Variants in TMEM117 observed in about 807,000 individuals in gnomAD.
TMEM117 encodes the protein transmembrane protein 117.
A neutral mutation model predicts 52.4 loss-of-function variants in TMEM117; 27 were observed. The observed-to-expected ratio is 0.51, with a 90% CI of 0.38 to 0.71. The LOEUF is 0.71. Ranked by LOEUF, TMEM117 falls within the 30% of genes least tolerant of loss-of-function variation. The pLI is 0.00. For synonymous variants in TMEM117, 215 were observed against 206.3 expected, an observed-to-expected ratio of 1.04 and a Z score of -0.36; for missense variants, 556 against 630.5, an observed-to-expected ratio of 0.88 and a Z score of 1.26.
chr12:43,985,018 A>G (rs1007445715), intron 3 of TMEM117, among the ~76,000 whole-genome samples: 10 of 151,798 alleles, frequency 6.6e-5, no homozygotes, highest in Middle Eastern at 3.4e-3. Context: ...TTTTTTTTGT[A>G]CTTACCTAAC....
At chr12:44,369,562 A>C (rs71455481) in intron 6 of TMEM117, among the ~76,000 whole-genome samples, 22 of 152,358 alleles carry the variant, frequency 1.4e-4, no homozygotes, top group Non-Finnish European at 2.9e-4. Flanking sequence ...AAGATATTAA[A>C]CAATCCTATA....
chr12:44,179,606 G>A (rs554249306), intron 4 of TMEM117, among the ~76,000 whole-genome samples: 2 of 152,322 alleles, frequency 1.3e-5, no homozygotes, highest in East Asian at 1.9e-4. Flanking sequence ...AGCCTTGCTG[G>A]CAGCCAGTTG....
chr12:44,199,456 T>A (rs1016510743), intron 4 of TMEM117, among the ~76,000 whole-genome samples: 18 of 152,318 alleles, frequency 1.2e-4, no homozygotes, highest in Admixed American at 2.0e-4. Flanking sequence ...TTGTTCCTGA[T>A]GTGAACCAGT....
At chr12:43,899,815 A>G (rs1944274993) in intron 2 of TMEM117, among the ~76,000 whole-genome samples, 1 of 152,206 alleles carries the variant, frequency 6.6e-6, no homozygotes, top group East Asian at 1.9e-4. Flanking sequence ...TATTAGAAAG[A>G]AGATGAGCTT....
chr12:44,168,317 C>T (rs1385932956), intron 4 of TMEM117, among the ~76,000 whole-genome samples: 1 of 151,650 alleles, frequency 6.6e-6, no homozygotes, highest in Admixed American at 6.6e-5. Context: ...GAACCTACTG[C>T]TGTTTCCCTC....
chr12:44,013,503 C>T, intron 3 of TMEM117, among the ~76,000 whole-genome samples: 1 of 152,286 alleles, frequency 6.6e-6, no homozygotes, highest in Middle Eastern at 3.4e-3. Flanking sequence ...GTCTGGAGGG[C>T]AGGCCTTGCA....
Position 43,931,699 on chromosome 12 carries a change from T to C in TMEM117, c.278-12511T>C, listed in dbSNP as rs1039084240. On this transcript the variant is annotated intron_variant, in intron 2 of 7. Transcript: ENST00000266534. ...TCATGGTAGCACTTCTTTTTGAGTT[T>C]AGTGAATTTTTACTTTGAACTCATA... 4.6e-5 allele frequency among the ~76,000 whole-genome samples: 7 copies of C among 152,240 alleles called. No homozygotes were observed. In the East Asian group the frequency reaches 1.3e-3, roughly 29 times the overall value.
intron 6 of TMEM117, among the ~76,000 whole-genome samples, chr12:44,340,413 G>A (rs1348183949): frequency 6.6e-6 from 1 of 152,048 alleles, no homozygotes; most frequent in Admixed American, 6.6e-5. Flanking sequence ...CCACAGGATT[G>A]CGTTTATAAA....
intron 2 of TMEM117, among the ~76,000 whole-genome samples, chr12:43,865,710 A>G (rs1391917334): frequency 6.6e-6 from 1 of 150,996 alleles, no homozygotes; most frequent in Non-Finnish European, 1.5e-5. Flanking sequence ...AAAAGAAAAA[A>G]AGAAAAAAAA....
chr12:44,230,498 A>G (rs556902436), intron 5 of TMEM117, among the ~76,000 whole-genome samples: 1 of 151,940 alleles, frequency 6.6e-6, no homozygotes, highest in South Asian at 2.1e-4. Context: ...CCTCCCTGCC[A>G]TTTCCTTGTT....
At chr12:43,873,588 G>C (rs1431495988) in intron 2 of TMEM117, among the ~76,000 whole-genome samples, 1 of 151,506 alleles carries the variant, frequency 6.6e-6, no homozygotes, top group Non-Finnish European at 1.5e-5. Flanking sequence ...GAAAACATTC[G>C]TTAATTTTAT....
intron 3 of TMEM117, among the ~76,000 whole-genome samples, chr12:44,079,405 C>T (rs1191699072): frequency 6.6e-6 from 1 of 152,144 alleles, no homozygotes; most frequent in Non-Finnish European, 1.5e-5. Context: ...GATCGCCATT[C>T]TAACTGGCAT....
intron 5 of TMEM117, among the ~76,000 whole-genome samples, chr12:44,294,553 A>G (rs970351368): frequency 2.6e-5 from 4 of 152,162 alleles, no homozygotes; most frequent in African/African-American, 9.7e-5. Flanking sequence ...GAAACTCAGC[A>G]TACCATTTTT....
chr12:44,308,909 G>A (rs574651076), intron 6 of TMEM117, among the ~76,000 whole-genome samples: 3 of 152,140 alleles, frequency 2.0e-5, no homozygotes, highest in Non-Finnish European at 4.4e-5. Context: ...GTCAGCCACT[G>A]CGCCCGGCCT....
intron 4 of TMEM117, among the ~76,000 whole-genome samples, chr12:44,179,486 C>T (rs1033596514): frequency 2.0e-5 from 3 of 152,172 alleles, no homozygotes; most frequent in Non-Finnish European, 2.9e-5. Context: ...AGTCTGATGT[C>T]GAAGACCAGG....
intron 3 of TMEM117, among the ~76,000 whole-genome samples, chr12:44,056,283 A>T (rs879454060): frequency 1.1e-4 from 16 of 152,092 alleles, no homozygotes; most frequent in Non-Finnish European, 1.2e-4. Context: ...ATATTAACAA[A>T]TTGCTTTTTG....
chr12:44,332,712 T>TACACAC (rs34633299), intron 6 of TMEM117, among the ~76,000 whole-genome samples: 1,848 of 143,224 alleles, frequency 0.013, 20 homozygotes, highest in African/African-American at 0.02. Flanking sequence ...CTACTGTTAC[T>TACACAC]ACACACACAC....
At chr12:43,859,363 AAG>A (rs1406712779) in intron 2 of TMEM117, among the ~76,000 whole-genome samples, 1 of 152,190 alleles carries the variant, frequency 6.6e-6, no homozygotes, top group Non-Finnish European at 1.5e-5. Context: ...GGCAGCAGGA[AAG>A]AGAAACTTCA....
At chr12:44,270,129 A>G (rs999410014) in intron 5 of TMEM117, among the ~76,000 whole-genome samples, 1 of 152,150 alleles carries the variant, frequency 6.6e-6, no homozygotes, top group African/African-American at 2.4e-5. Flanking sequence ...ACACCCAAAT[A>G]GCACAGTGTC....
Sources: gnomAD v4.1 joint callset for allele counts (sites outside exome capture counted in the v4.1 genomes callset) on GRCh38, gnomAD v4.1.1 for gene constraint, MANE v1.5 for transcripts, NCBI Gene and HGNC (gene_info 2026-07-23, HGNC 2026-07-21) for gene names.